Variants in DCAF6 observed in about 807,000 individuals in gnomAD.
DCAF6 encodes DDB1 and CUL4 associated factor 6, also known as DDB1- and CUL4-associated factor 6.
In DCAF6, 54 loss-of-function variants were observed where a neutral mutation model predicts 125.1. The ratio of observed to expected loss-of-function variants is 0.43; its 90% confidence interval spans 0.35 to 0.54. DCAF6 has a LOEUF of 0.54. Among genes scored for constraint, DCAF6 ranks in the 20% least tolerant of loss-of-function variants. DCAF6 has a pLI of 0.01. For synonymous variants in DCAF6, 371 were observed against 390.4 expected (o/e 0.95, Z 0.58); for missense variants, 934 against 1,161.7 (o/e 0.80, Z 2.85).
At chr1:168,045,995 A>G (rs1246048181) in intron 16 of DCAF6, among the ~76,000 whole-genome samples, 2 of 152,084 alleles carry the variant, frequency 1.3e-5, no homozygotes, top group Non-Finnish European at 2.9e-5. Flanking sequence ...TCTATTTGAA[A>G]TATTTCACAT....
At chr1:167,872,425 A>G in the DCAF6 span, among the ~76,000 whole-genome samples, 1 of 152,034 alleles carries the variant, frequency 6.6e-6, no homozygotes, top group East Asian at 1.9e-4. Context: ...CTATTCATAC[A>G]GAACACCTAC....
chr1:167,875,147 C>G, the DCAF6 span: 7 of 1,613,916 alleles, frequency 4.3e-6, no homozygotes, highest in Admixed American at 1.2e-4. Context: ...AAGGGTAATC[C>G]TCCTTTCTGT....
chr1:167,989,500 AAAG>A (rs1680522198), intron 5 of DCAF6, among the ~76,000 whole-genome samples: 2 of 152,380 alleles, frequency 1.3e-5, no homozygotes, highest in Non-Finnish European at 2.9e-5. Flanking sequence ...TAGAATTATG[AAAG>A]GCATTTGGTT....
chr1:167,953,392 A>C (rs145702271), intron 2 of DCAF6, among the ~76,000 whole-genome samples: 42 of 152,312 alleles, frequency 2.8e-4, no homozygotes, highest in Non-Finnish European at 5.1e-4. Flanking sequence ...TATTATTGAT[A>C]GTGCTTACTA....
chr1:168,056,098 C>G, intron 17 of DCAF6: 1 of 1,594,098 alleles, frequency 6.3e-7, no homozygotes, highest in Non-Finnish European at 8.6e-7. Context: ...AGTTCACTAG[C>G]AGCTTTCACA....
intron 5 of DCAF6, among the ~76,000 whole-genome samples, chr1:167,988,365 T>C (rs533878023): frequency 1.3e-5 from 2 of 152,204 alleles, no homozygotes; most frequent in African/African-American, 4.8e-5. Context: ...GGTCTTGCCA[T>C]ATTGCCTAGG....
chr1:168,020,322 G>A (rs1685521494), intron 11 of DCAF6, among the ~76,000 whole-genome samples: 1 of 152,190 alleles, frequency 6.6e-6, no homozygotes. Flanking sequence ...TTTGAACCCA[G>A]GAAGTGTGGC....
intron 17 of DCAF6, among the ~76,000 whole-genome samples, chr1:168,062,193 G>T (rs1306614773): frequency 6.6e-6 from 1 of 152,104 alleles, no homozygotes; most frequent in Non-Finnish European, 1.5e-5. Context: ...TCACAAGCAG[G>T]CAAAATTAAT....
the DCAF6 span, among the ~76,000 whole-genome samples, chr1:167,925,970 A>T: frequency 6.6e-6 from 1 of 152,214 alleles, no homozygotes; most frequent in African/African-American, 2.4e-5. Context: ...TTCTAATTTA[A>T]TCCTAAAGTC....
intron 2 of DCAF6, among the ~76,000 whole-genome samples, chr1:167,953,538 C>G (rs2102728498): frequency 6.6e-6 from 1 of 152,306 alleles, no homozygotes; most frequent in South Asian, 2.1e-4. Context: ...ATGCCTGAAA[C>G]AGATGTGGCA....
chr1:167,957,180 A>G (rs1674916364), intron 2 of DCAF6, among the ~76,000 whole-genome samples: 2 of 152,014 alleles, frequency 1.3e-5, no homozygotes, highest in African/African-American at 4.8e-5. Flanking sequence ...TTTTTAGTGT[A>G]TTTGTAAAGT....
intron 10 of DCAF6, among the ~76,000 whole-genome samples, chr1:168,009,998 G>T (rs1008642849): frequency 1.3e-5 from 2 of 152,144 alleles, no homozygotes; most frequent in African/African-American, 4.8e-5. Context: ...ATATAGACTA[G>T]ATAGGGTATA....
intron 3 of DCAF6, among the ~76,000 whole-genome samples, chr1:167,966,949 C>CT (rs1255251028): frequency 2.0e-5 from 3 of 151,994 alleles, no homozygotes; most frequent in Admixed American, 2.0e-4. Context: ...TTTAAATATA[C>CT]TTTATTTAAA....
At chr1:168,061,663 A>G (rs1691613780) in intron 17 of DCAF6, among the ~76,000 whole-genome samples, 1 of 152,174 alleles carries the variant, frequency 6.6e-6, no homozygotes, top group Admixed American at 6.5e-5. Context: ...AGTGAAAAAA[A>G]GTTTATGTAT....
chr1:167,928,790 C>CT, the DCAF6 span, among the ~76,000 whole-genome samples: 1 of 152,084 alleles, frequency 6.6e-6, no homozygotes, highest in East Asian at 1.9e-4. Context: ...GAAGTATAAA[C>CT]TAACAGATAC....
chr1:167,918,116 T>G, the DCAF6 span: 4 of 444,064 alleles, frequency 9.0e-6, no homozygotes, highest in Non-Finnish European at 1.2e-5. Flanking sequence ...AGAAAAATGT[T>G]ACTAATATCC....
intron 12 of DCAF6, 174 bp downstream of exon 12, chr1:168,023,221 A>G (rs1257238073): frequency 7.7e-6 from 5 of 648,910 alleles, no homozygotes; most frequent in Non-Finnish European, 1.3e-5. Flanking sequence ...TTTTTGGCCT[A>G]TACAGATTAT....
chr1:168,058,314 G>A (rs957320481), intron 17 of DCAF6, among the ~76,000 whole-genome samples: 7 of 152,112 alleles, frequency 4.6e-5, no homozygotes, highest in Non-Finnish European at 8.8e-5. Context: ...TTTTTCTTGC[G>A]TATATACCAA....
intron 16 of DCAF6, among the ~76,000 whole-genome samples, chr1:168,049,611 G>A (rs1689617006): frequency 1.4e-5 from 2 of 143,948 alleles, no homozygotes. Flanking sequence ...TGAAAAGAGT[G>A]TGGTTGAGAT....
Sources: gnomAD v4.1 joint callset for allele counts (sites outside exome capture counted in the v4.1 genomes callset) on GRCh38, gnomAD v4.1.1 for gene constraint, MANE v1.5 for transcripts, NCBI Gene and HGNC (gene_info 2026-07-23, HGNC 2026-07-21) for gene names.